Variants in FOXK2 observed in about 807,000 individuals in gnomAD.
The protein encoded by FOXK2 is forkhead box K2.
FOXK2 carries 24 observed loss-of-function variants against 53.3 expected under a neutral mutation model. The observed-to-expected ratio is 0.45, with a 90% confidence interval of 0.33 to 0.63. FOXK2 has a LOEUF of 0.63. Ranked by LOEUF, FOXK2 falls within the 30% of genes least tolerant of loss-of-function variation. The pLI is 0.03. For missense variants in FOXK2, 952 were observed against 910.5 expected, an observed-to-expected ratio of 1.05 and a Z score of -0.59; for synonymous variants, 505 against 407.1, an observed-to-expected ratio of 1.24 and a Z score of -2.89.
intron 1 of FOXK2, among the ~76,000 whole-genome samples, chr17:82,535,224 T>C (rs1160605030): frequency 2.6e-5 from 4 of 152,216 alleles, no homozygotes; most frequent in Non-Finnish European, 1.5e-5. Flanking sequence ...TTAACAGTTA[T>C]CCAGTCGCTT....
chr17:82,558,230 C>T (rs974252837), intron 1 of FOXK2, among the ~76,000 whole-genome samples: 2 of 152,120 alleles, frequency 1.3e-5, no homozygotes. Flanking sequence ...GTCCTAGCTG[C>T]TCGAGGCTGA....
intron 1 of FOXK2, among the ~76,000 whole-genome samples, chr17:82,547,233 A>G (rs996657876): frequency 2.0e-5 from 3 of 152,156 alleles, no homozygotes; most frequent in African/African-American, 7.2e-5. Flanking sequence ...TTCACATTGT[A>G]GTATTGTGGT....
At position 82,595,762 on chromosome 17, in the gene FOXK2, T is replaced by C. The variant is rs571925241; in HGVS notation, c.1787-5541T>C. The C allele has an allele frequency of 2.3e-6, 3 of 1,288,928 alleles. No homozygotes were observed. The South Asian group carries it at 3.7e-5, about 16-fold the overall frequency. The allele number at this position is 1,288,928 out of a possible 1,614,324, so 79.8% of individuals were successfully genotyped here. On this transcript the variant is annotated intron_variant, in intron 8 of 8. Transcript: ENST00000335255. ...ACCTGGCTCCTGTGACTTGGGGTCC[T>C]TTCCCACTCCTCTCCCCAGGGCCCC...
At chr17:82,565,128 A>G (rs1210357806) in intron 2 of FOXK2, among the ~76,000 whole-genome samples, 2 of 152,160 alleles carry the variant, frequency 1.3e-5, no homozygotes, top group African/African-American at 4.8e-5. Context: ...CACATGGAAA[A>G]TAATGAATTT....
At chr17:82,577,425 T>A in intron 4 of FOXK2, 1 of 412,736 alleles carries the variant, frequency 2.4e-6, no homozygotes, top group South Asian at 2.5e-5. Flanking sequence ...CTACCCCGCC[T>A]GTGGCCCAAC....
intron 8 of FOXK2, among the ~76,000 whole-genome samples, chr17:82,589,948 A>C (rs1448686386): frequency 6.6e-6 from 1 of 152,042 alleles, no homozygotes; most frequent in African/African-American, 2.4e-5. Flanking sequence ...CTGGACGCTG[A>C]GGCAGGAGAA....
chr17:82,590,350 C>T (rs1322408908), intron 8 of FOXK2, among the ~76,000 whole-genome samples: 1 of 152,086 alleles, frequency 6.6e-6, no homozygotes, highest in East Asian at 1.9e-4. Flanking sequence ...GAGGTAGTGT[C>T]TCACCATGTT....
intron 1 of FOXK2, among the ~76,000 whole-genome samples, chr17:82,521,521 G>C (rs2144032386): frequency 6.6e-6 from 1 of 152,030 alleles, no homozygotes; most frequent in Non-Finnish European, 1.5e-5. Flanking sequence ...GCTGGTAAGA[G>C]CTGTTGCTTT....
intron 1 of FOXK2, among the ~76,000 whole-genome samples, chr17:82,554,103 A>G (rs1166108347): frequency 6.6e-6 from 1 of 152,184 alleles, no homozygotes; most frequent in East Asian, 1.9e-4. Flanking sequence ...AAGTGCTGGG[A>G]TTACAGGCGT....
chr17:82,542,312 C>T (rs2044582656), intron 1 of FOXK2, among the ~76,000 whole-genome samples: 1 of 152,008 alleles, frequency 6.6e-6, no homozygotes. Flanking sequence ...CAGGTGCGCA[C>T]TACCAGGCCC....
chr17:82,524,623 A>G (rs2044399198), intron 1 of FOXK2, among the ~76,000 whole-genome samples: 1 of 152,210 alleles, frequency 6.6e-6, no homozygotes, highest in Admixed American at 6.6e-5. Context: ...CTGGAAAACA[A>G]ATGGCTTCTT....
intron 4 of FOXK2, 43 bp downstream of exon 4, chr17:82,571,913 C>T: frequency 1.4e-6 from 2 of 1,480,850 alleles, no homozygotes; most frequent in South Asian, 2.8e-5. Flanking sequence ...CTGATGGATA[C>T]CGAGAAGAAA....
intron 1 of FOXK2, among the ~76,000 whole-genome samples, chr17:82,542,166 CTTT>C (rs750005460): frequency 2.6e-5 from 3 of 115,646 alleles, no homozygotes; most frequent in Non-Finnish European, 3.7e-5. Context: ...TTTCTTCTTT[CTTT>C]TTTTTTTTTT....
At chr17:82,571,602 A>T in intron 3 of FOXK2, 122 bp from the exon 4 acceptor site, 1 of 1,094,374 alleles carries the variant, frequency 9.1e-7, no homozygotes, top group Non-Finnish European at 1.2e-6. Flanking sequence ...CTCTGTCTCA[A>T]AAAAAAGACA....
intron 8 of FOXK2, chr17:82,596,120 G>A: frequency 1.5e-6 from 1 of 679,274 alleles, no homozygotes; most frequent in South Asian, 4.5e-5. Flanking sequence ...TGCGGCCACA[G>A]ACTGCGACCG....
intron 8 of FOXK2, among the ~76,000 whole-genome samples, chr17:82,598,128 T>G (rs2045337439): frequency 6.8e-6 from 1 of 146,076 alleles, no homozygotes. Context: ...GAAACCGTAT[T>G]GTTGACTCCC....
chr17:82,521,768 A>C (rs1268838196), intron 1 of FOXK2, among the ~76,000 whole-genome samples: 2 of 132,324 alleles, frequency 1.5e-5, no homozygotes, highest in African/African-American at 5.7e-5. Flanking sequence ...GTCTCTACTA[A>C]AAATACAAAA....
intron 1 of FOXK2, among the ~76,000 whole-genome samples, chr17:82,552,285 A>C (rs1383693111): frequency 6.6e-6 from 1 of 152,230 alleles, no homozygotes; most frequent in Non-Finnish European, 1.5e-5. Flanking sequence ...CCACTCCGTT[A>C]GTGTTTCACC....
chr17:82,559,518 C>G (rs2044770427), intron 1 of FOXK2: 1 of 456,064 alleles, frequency 2.2e-6, no homozygotes. Flanking sequence ...CACGTCCCCA[C>G]GTGGGACGGG....
Sources: allele counts gnomAD v4.1 joint callset (sites outside exome capture counted in the v4.1 genomes callset), GRCh38; gene constraint gnomAD v4.1.1; transcripts MANE v1.5; gene names NCBI Gene and HGNC (gene_info 2026-07-23, HGNC 2026-07-21).